Variants in VTA1 observed in about 807,000 individuals in gnomAD.
VTA1 encodes the protein vesicle trafficking 1.
VTA1 carries 24 observed loss-of-function variants against 36.9 expected under a neutral mutation model. The ratio of observed to expected loss-of-function variants is 0.65; its 90% CI spans 0.47 to 0.91. VTA1 has a LOEUF of 0.91. Among genes scored for constraint, VTA1 ranks in the 40% least tolerant of loss-of-function variants. VTA1 has a pLI of 0.00. For missense variants in VTA1, 393 were observed against 377.2 expected, an observed-to-expected ratio of 1.04 and a Z score of -0.35; for synonymous variants, 142 against 130.2, an observed-to-expected ratio of 1.09 and a Z score of -0.62.
rs190060431 is a variant in VTA1 at position 142,188,952 on chromosome 6, T to G, written c.412-474T>G. On this transcript the variant is annotated intron_variant, in intron 4 of 7. Transcript: ENST00000367630. ...CATGTGACTAGTTAAAAAGTCAGGTTTACCTGCCTATCAGTCTAGCATTTG... is the reference window on the plus strand; with the variant it reads ...CATGTGACTAGTTAAAAAGTCAGGTGTACCTGCCTATCAGTCTAGCATTTG... 1.9e-4 allele frequency among the ~76,000 whole-genome samples: 29 copies of G among 152,330 alleles called. 1 individual carries two copies. The highest frequency in any genetic ancestry group is 3.7e-4 in the Non-Finnish European group (25 of 68,014).
At chr6:142,205,259 C>G (rs937815543) in intron 7 of VTA1, among the ~76,000 whole-genome samples, 2 of 152,140 alleles carry the variant, frequency 1.3e-5, no homozygotes, top group African/African-American at 2.4e-5. Flanking sequence ...CTCTTTAAAT[C>G]TCTTGTCAAT....
intron 6 of VTA1, among the ~76,000 whole-genome samples, chr6:142,203,646 C>A (rs1159088707): frequency 6.6e-6 from 1 of 152,038 alleles, no homozygotes; most frequent in Non-Finnish European, 1.5e-5. Context: ...CTAAGTTAAA[C>A]TAAATTAGAA....
intron 1 of VTA1, among the ~76,000 whole-genome samples, chr6:142,165,457 TTTG>T (rs1774894612): frequency 6.6e-6 from 1 of 152,212 alleles, no homozygotes; most frequent in Non-Finnish European, 1.5e-5. Flanking sequence ...TTCGTTGCAT[TTTG>T]TTGTTGCATT....
At chr6:142,202,667 T>C (rs1775712153) in intron 6 of VTA1, among the ~76,000 whole-genome samples, 1 of 152,006 alleles carries the variant, frequency 6.6e-6, no homozygotes, top group Non-Finnish European at 1.5e-5. Flanking sequence ...ACAAATTTCT[T>C]AGCAGAGAAC....
At chr6:142,148,954 T>G (rs575602148) in intron 1 of VTA1, among the ~76,000 whole-genome samples, 11 of 152,320 alleles carry the variant, frequency 7.2e-5, no homozygotes, top group African/African-American at 2.6e-4. Flanking sequence ...AAAGAATCTC[T>G]CATCCCTAAA....
intron 5 of VTA1, 94 bp downstream of exon 5, chr6:142,189,628 G>A (rs749919913): frequency 5.3e-5 from 46 of 863,800 alleles, no homozygotes; most frequent in Admixed American, 8.0e-5. Flanking sequence ...ATACAGTTTT[G>A]TTTTCATCAG....
At chr6:142,208,386 A>G (rs1239742452) in intron 7 of VTA1, among the ~76,000 whole-genome samples, 2 of 152,142 alleles carry the variant, frequency 1.3e-5, no homozygotes, top group Non-Finnish European at 2.9e-5. Context: ...GAAAATACAC[A>G]GTCAGAAGAA....
chr6:142,170,130 C>T (rs550802752), intron 3 of VTA1, among the ~76,000 whole-genome samples: 4 of 152,138 alleles, frequency 2.6e-5, no homozygotes, highest in Admixed American at 6.5e-5. Context: ...AAAATCTTGA[C>T]GTAGCGCATT....
intron 4 of VTA1, among the ~76,000 whole-genome samples, chr6:142,184,895 G>A (rs1485761891): frequency 2.0e-5 from 3 of 152,122 alleles, no homozygotes; most frequent in African/African-American, 7.2e-5. Context: ...CCTGTAGAAT[G>A]CTATAAAGAT....
rs1326282527 is a variant in VTA1, at chr6:142,155,935, G to C, written c.112+8536G>C. On this transcript the variant is annotated intron_variant, in intron 1 of 7. Coordinates refer to ENST00000367630, the MANE Select transcript of VTA1 (RefSeq NM_016485.5). The stretch of plus-strand genomic sequence containing the variant: ...GAGGAAGGCTTACACTGTGCTACCA[G>C]TTTTTATTCATTTACTCTGCCTGGT... 2.0e-5 allele frequency among the ~76,000 whole-genome samples: 3 copies of C among 152,276 alleles called. No homozygotes were observed. In the East Asian group the frequency reaches 5.8e-4, roughly 29 times the overall value.
intron 4 of VTA1, among the ~76,000 whole-genome samples, chr6:142,176,708 A>G (rs1049721605): frequency 6.6e-6 from 1 of 152,154 alleles, no homozygotes; most frequent in African/African-American, 2.4e-5. Context: ...GCATACAGAT[A>G]GATATACAGC....
chr6:142,209,019 C>T (rs1389308101), intron 7 of VTA1, among the ~76,000 whole-genome samples: 3 of 151,974 alleles, frequency 2.0e-5, no homozygotes, highest in African/African-American at 7.2e-5. Flanking sequence ...GAGAATAGAG[C>T]AATTAGGCAA....
At chr6:142,153,234 G>A (rs1778600961) in intron 1 of VTA1, among the ~76,000 whole-genome samples, 2 of 152,094 alleles carry the variant, frequency 1.3e-5, no homozygotes, top group African/African-American at 4.8e-5. Context: ...GAAGTATGTC[G>A]TGTGATGATC....
In VTA1 at chr6:142,194,386, T is replaced by C. The variant is rs1775507210; in HGVS notation, c.521-4053T>C. Among the ~76,000 whole-genome samples, 2 of 152,290 alleles carry C rather than the reference T, an allele frequency of 1.3e-5. 1 individual carries two copies. Among genetic ancestry groups the C allele is most frequent in the South Asian group, 4.1e-4 (2 of 4,822 alleles). On this transcript the variant is annotated intron_variant, in intron 5 of 7. Transcript: ENST00000367630. ...GGAGAATTAATTGTCTTTCAGTACATGAACATAATGTATCTTTCCATTTAT... is the reference window on the plus strand; with the variant it reads ...GGAGAATTAATTGTCTTTCAGTACACGAACATAATGTATCTTTCCATTTAT...
At chr6:142,210,939 G>T (rs1242402613) in intron 7 of VTA1, among the ~76,000 whole-genome samples, 1 of 152,144 alleles carries the variant, frequency 6.6e-6, no homozygotes, top group Non-Finnish European at 1.5e-5. Context: ...GTGGATGAAT[G>T]AATAAAGAAA....
intron 1 of VTA1, among the ~76,000 whole-genome samples, chr6:142,150,661 CA>C (rs1290185703): frequency 6.6e-6 from 1 of 152,158 alleles, no homozygotes; most frequent in African/African-American, 2.4e-5. Flanking sequence ...CCTGGTCTTA[CA>C]TTGAAGAAAA....
intron 2 of VTA1, among the ~76,000 whole-genome samples, chr6:142,169,206 CTT>C (rs1774981667): frequency 6.6e-6 from 1 of 151,910 alleles, no homozygotes. Flanking sequence ...TTTAGGGTAA[CTT>C]ATAGTTTGGG....
intron 6 of VTA1, 121 bp downstream of exon 6, chr6:142,198,736 A>G (rs1775620055): frequency 3.4e-6 from 3 of 880,784 alleles, no homozygotes; most frequent in South Asian, 5.3e-5. Context: ...CTTGAATTCC[A>G]TTTGAACCCA....
chr6:142,161,038 G>A (rs987993729), intron 1 of VTA1, among the ~76,000 whole-genome samples: 3 of 144,630 alleles, frequency 2.1e-5, no homozygotes, highest in East Asian at 2.2e-4. Context: ...AGTGAAGTAA[G>A]TATTCTTTAT....
Sources: allele counts gnomAD v4.1 joint callset (sites outside exome capture counted in the v4.1 genomes callset), GRCh38; gene constraint gnomAD v4.1.1; transcripts MANE v1.5; gene names NCBI Gene and HGNC (gene_info 2026-07-23, HGNC 2026-07-21).